The following ABCA13 variants were observed in gnomAD, a reference collection of about 807,000 sequenced individuals.
The protein encoded by ABCA13 is ATP binding cassette subfamily A member 13.
ABCA13 carries 476 observed loss-of-function variants against 478.7 expected under a neutral mutation model. The observed-to-expected ratio is 0.99, with a 90% CI of 0.92 to 1.07. The LOEUF (loss-of-function observed/expected upper bound fraction) is 1.07. Among genes scored for constraint, ABCA13 ranks in the 50% least tolerant of loss-of-function variants. The probability of loss-of-function intolerance (pLI) is 0.00; values close to 1 mark genes in which losing one functional copy is unlikely to be tolerated. For synonymous variants in ABCA13, 2,252 were observed against 2,158.9 expected, an observed-to-expected ratio of 1.04 and a Z score of -1.20; for missense variants, 6,060 against 5,910.6, an observed-to-expected ratio of 1.03 and a Z score of -0.83.
chr7:48,353,935 G>A (rs1809466935), intron 31 of ABCA13, among the ~76,000 whole-genome samples: 1 of 151,986 alleles, frequency 6.6e-6, no homozygotes, highest in South Asian at 2.1e-4. Flanking sequence ...TCTTTTCAAA[G>A]TGATGATATT....
intron 61 of ABCA13, 32 bp downstream of exon 61, chr7:48,644,786 A>G (rs1795329661): frequency 6.5e-7 from 1 of 1,538,004 alleles, no homozygotes; most frequent in Admixed American, 2.1e-5. Flanking sequence ...AGGAGGTTGA[A>G]TTTTGGTCTG....
At chr7:48,410,373 G>T (rs991041947) in intron 39 of ABCA13, 147 bp from the exon 40 acceptor site, 17 of 942,194 alleles carry the variant, frequency 1.8e-5, no homozygotes, top group Non-Finnish European at 2.7e-5. Flanking sequence ...TGGCAAAGTG[G>T]CCAGGACGCA....
At chr7:48,602,886 G>C (rs1042695471) in intron 58 of ABCA13, among the ~76,000 whole-genome samples, 1 of 151,992 alleles carries the variant, frequency 6.6e-6, no homozygotes, top group Non-Finnish European at 1.5e-5. Flanking sequence ...TCACTTGATT[G>C]TGTCCTCTTT....
chr7:48,278,894 A>T lies in ABCA13; in HGVS notation c.7700A>T (p.Gln2567Leu). Residue 2567 changes from glutamine to leucine, a missense_variant, in exon 18 of 62, where the codon CAA (glutamine) becomes CTA (leucine). This residue lies in a region of ABCA13 where 4,423 missense variants were observed against 4,309.1 expected (regional missense o/e 1.03). Transcript: ENST00000435803. ...TLYSIMQQSV[Q>L]NLVKEIATLK... The stretch of plus-strand genomic sequence containing the variant: ...TATTCCATCATGCAACAAAGTGTTC[A>T]AAATCTTGTGAAAGAAATAGCTACT... The T allele has an allele frequency of 6.2e-7, 1 of 1,613,392 alleles. No homozygotes were observed. The highest frequency in any genetic ancestry group is 8.5e-7 in the Non-Finnish European group (1 of 1,179,868).
chr7:48,447,389 C>T (rs547720515), intron 42 of ABCA13, among the ~76,000 whole-genome samples: 1 of 152,296 alleles, frequency 6.6e-6, no homozygotes, highest in East Asian at 1.9e-4. Context: ...TTCTTTCTCC[C>T]TAGTGGATAG....
chr7:48,243,468 G>T (rs1264873776), intron 10 of ABCA13, among the ~76,000 whole-genome samples: 1 of 152,224 alleles, frequency 6.6e-6, no homozygotes, highest in Admixed American at 6.5e-5. Context: ...GGTGTCAGGA[G>T]TCTGGTCAGC....
intron 57 of ABCA13, among the ~76,000 whole-genome samples, chr7:48,590,451 C>T (rs944104618): frequency 2.0e-5 from 3 of 152,144 alleles, no homozygotes; most frequent in South Asian, 4.1e-4. Context: ...ATGAATATAG[C>T]ACTGCAAATA....
chr7:48,576,447 C>T (rs528516375), intron 55 of ABCA13, among the ~76,000 whole-genome samples: 17 of 152,270 alleles, frequency 1.1e-4, no homozygotes, highest in African/African-American at 4.1e-4. Flanking sequence ...TTCGTGCTTT[C>T]AGCAGGAGTT....
rs115356684 is a variant in ABCA13, at chr7:48,216,165, G to A, written c.288-3189G>A. Among the ~76,000 whole-genome samples the A allele has an allele frequency of 3.9e-3, 591 of 152,252 alleles. 5 individuals carry two copies. The highest frequency in any genetic ancestry group is 0.013 in the African/African-American group (556 of 41,550). Reference sequence around the variant, plus strand: ...TCTACGTCTAACATTTTGAGAAACCGTCAGATTGTTTTTCAACGTGGCTCT... The same window carrying A: ...TCTACGTCTAACATTTTGAGAAACCATCAGATTGTTTTTCAACGTGGCTCT... On this transcript the variant is annotated intron_variant, in intron 3 of 61. Transcript: ENST00000435803.
intron 58 of ABCA13, chr7:48,611,876 G>A (rs1272011635): frequency 6.6e-6 from 1 of 152,136 alleles, no homozygotes; most frequent in Non-Finnish European, 1.5e-5. Context: ...GCACCCATAA[G>A]ATGATTACTT....
At chr7:48,399,981 A>G (rs1381502642) in intron 38 of ABCA13, among the ~76,000 whole-genome samples, 2 of 152,062 alleles carry the variant, frequency 1.3e-5, no homozygotes, top group Non-Finnish European at 2.9e-5. Flanking sequence ...TTTCAAGGAC[A>G]GAATCTCTTT....
rs781005618 is a variant in ABCA13 at position 48,276,130 on chromosome 7, C to T, written c.6464C>T (p.Thr2155Ile). The change falls in exon 17 of 62, where the codon ACT (threonine) becomes ATT (isoleucine). Residue 2155 changes from threonine (T) to isoleucine (I), a missense_variant. Around this residue, in one of 3 missense-constraint regions of ABCA13, gnomAD observed 4,423 missense variants for 4,309.1 expected, o/e 1.03. Transcript: ENST00000435803. ...ATTCCTGTGACCAATGAGAGTTCAACTGAAGATATAGCTTTGTTAGCCAAA... is the reference window on the plus strand; with the variant it reads ...ATTCCTGTGACCAATGAGAGTTCAATTGAAGATATAGCTTTGTTAGCCAAA... ...LFIPVTNESSTEDIALLAKAI... is the reference protein window; with the variant it reads ...LFIPVTNESSIEDIALLAKAI... 3.8e-6 allele frequency: 6 copies of T among 1,597,160 alleles called. No individual in the cohort carries two copies. In the Admixed American group the frequency reaches 6.9e-5, roughly 18 times the overall value.
At chr7:48,353,690 T>C (rs1318766007) in intron 31 of ABCA13, among the ~76,000 whole-genome samples, 1 of 151,748 alleles carries the variant, frequency 6.6e-6, no homozygotes, top group African/African-American at 2.4e-5. Context: ...TAATAGCACA[T>C]CCACACATTT....
chr7:48,574,266 A>G (rs1787953576), intron 55 of ABCA13, among the ~76,000 whole-genome samples: 1 of 152,178 alleles, frequency 6.6e-6, no homozygotes, highest in Non-Finnish European at 1.5e-5. Flanking sequence ...AGATAAAATT[A>G]TCTCAGAAAA....
At chr7:48,261,271 A>T (rs1346753247) in intron 15 of ABCA13, among the ~76,000 whole-genome samples, 2 of 151,934 alleles carry the variant, frequency 1.3e-5, no homozygotes, top group African/African-American at 4.8e-5. Flanking sequence ...GTTCTTGTTG[A>T]TAAACTCCTT....
chr7:48,500,171 G>T (rs1189448082), intron 48 of ABCA13, among the ~76,000 whole-genome samples: 1 of 152,160 alleles, frequency 6.6e-6, no homozygotes, highest in African/African-American at 2.4e-5. Flanking sequence ...ATCACGTCTC[G>T]TAGGATTCCT....
chr7:48,280,915 C>G (rs1317615552), intron 18 of ABCA13, among the ~76,000 whole-genome samples: 1 of 152,186 alleles, frequency 6.6e-6, no homozygotes, highest in Non-Finnish European at 1.5e-5. Context: ...GTGCTCTTCT[C>G]TGAATTGTCT....
chr7:48,481,248 C>A, intron 46 of ABCA13, 94 bp downstream of exon 46: 1 of 998,232 alleles, frequency 1.0e-6, no homozygotes, highest in Non-Finnish European at 1.5e-6. Context: ...AGTCAAAAAT[C>A]TAAGACTGAC....
At chr7:48,329,286 A>G (rs2128927394) in intron 27 of ABCA13, among the ~76,000 whole-genome samples, 1 of 152,282 alleles carries the variant, frequency 6.6e-6, no homozygotes, top group Non-Finnish European at 1.5e-5. Flanking sequence ...ACAGAGTAGA[A>G]CCCTTTTGAA....
Sources: gnomAD v4.1 joint callset for allele counts (sites outside exome capture counted in the v4.1 genomes callset) on GRCh38, gnomAD v4.1.1 for gene constraint, gnomAD v4.1.1 regional missense constraint, MANE v1.5 for transcripts, NCBI Gene and HGNC (gene_info 2026-07-23, HGNC 2026-07-21) for gene names.